RBM25: variants seen among roughly 807,000 people sequenced by gnomAD.
RBM25 encodes the protein RNA binding motif protein 25.
A neutral mutation model predicts 120.7 loss-of-function variants in RBM25; 19 were observed. That is an observed-to-expected ratio of 0.16 (90% CI 0.11 to 0.23). The LOEUF (loss-of-function observed/expected upper bound fraction) is 0.23. Ranked by LOEUF, RBM25 falls within the 10% of genes least tolerant of loss-of-function variation. The pLI is 1.00. For missense variants in RBM25, 605 were observed against 1,041.5 expected, an observed-to-expected ratio of 0.58 and a Z score of 5.77; for synonymous variants, 390 against 326.7, an observed-to-expected ratio of 1.19 and a Z score of -2.09.
intron 6 of RBM25, among the ~76,000 whole-genome samples, chr14:73,094,208 C>T (rs779515963): frequency 1.7e-4 from 25 of 151,364 alleles, no homozygotes; most frequent in Non-Finnish European, 3.2e-4. Flanking sequence ...CTGCCTCGGC[C>T]TCCCAAAGTG....
intron 1 of RBM25, chr14:73,068,324 GA>G: frequency 1.3e-6 from 1 of 755,112 alleles, no homozygotes; most frequent in Non-Finnish European, 2.4e-6. Context: ...TTCATGGTTG[GA>G]AGGTGTGCCT....
At chr14:73,084,687 G>A (rs1439939595) in intron 5 of RBM25, among the ~76,000 whole-genome samples, 1 of 151,788 alleles carries the variant, frequency 6.6e-6, no homozygotes, top group Non-Finnish European at 1.5e-5. Context: ...CGAGAAGCTG[G>A]GATTACAGGC....
At chr14:73,111,830 T>C (rs1180103184) in intron 16 of RBM25, 28 bp downstream of exon 16, 1 of 1,550,254 alleles carries the variant, frequency 6.5e-7, no homozygotes, top group Admixed American at 2.2e-5. Flanking sequence ...TTTCATCATA[T>C]TATTGGGAAC....
intron 18 of RBM25, among the ~76,000 whole-genome samples, chr14:73,119,180 G>A (rs17124720): frequency 0.093 from 14,120 of 152,214 alleles, 647 homozygotes; most frequent in African/African-American, 0.12. Context: ...TATAAAGAAC[G>A]TAGTAATTTA....
At chr14:73,112,566 C>A (rs1896333119) in intron 17 of RBM25, among the ~76,000 whole-genome samples, 2 of 151,550 alleles carry the variant, frequency 1.3e-5, no homozygotes, top group African/African-American at 2.4e-5. Context: ...GTCTTTCTGC[C>A]CCTGAGAATG....
intron 1 of RBM25, among the ~76,000 whole-genome samples, chr14:73,066,360 G>T (rs1239040746): frequency 6.6e-6 from 1 of 152,162 alleles, no homozygotes; most frequent in Non-Finnish European, 1.5e-5. Flanking sequence ...TAAGGGCTGG[G>T]CGCAGTGGCT....
At chr14:73,061,468 C>T (rs948880448) in intron 1 of RBM25, among the ~76,000 whole-genome samples, 1 of 151,332 alleles carries the variant, frequency 6.6e-6, no homozygotes, top group Non-Finnish European at 1.5e-5. Flanking sequence ...CATCCATTAC[C>T]CCAAAAGGAT....
At chr14:73,071,329 G>T (rs996732766) in intron 1 of RBM25, among the ~76,000 whole-genome samples, 2 of 150,882 alleles carry the variant, frequency 1.3e-5, no homozygotes, top group African/African-American at 4.9e-5. Context: ...ATTCGTTTAT[G>T]TGTGGTATTT....
intron 9 of RBM25, chr14:73,102,938 C>A: frequency 1.8e-6 from 1 of 560,942 alleles, no homozygotes; most frequent in Non-Finnish European, 2.8e-6. Context: ...CATTGAGTGG[C>A]CAGCCACACC....
At chr14:73,073,188 C>G (rs2062760371) in intron 2 of RBM25, among the ~76,000 whole-genome samples, 1 of 152,116 alleles carries the variant, frequency 6.6e-6, no homozygotes, top group Admixed American at 6.6e-5. Context: ...CTCAGCCTTC[C>G]AAAGTTCTGG....
At chr14:73,072,427 G>GT (rs1238932788) in intron 2 of RBM25, among the ~76,000 whole-genome samples, 1 of 152,068 alleles carries the variant, frequency 6.6e-6, no homozygotes, top group Non-Finnish European at 1.5e-5. Context: ...AAGGTTATTA[G>GT]TTTTTTCTTG....
At chr14:73,068,865 C>T (rs1022164714) in intron 1 of RBM25, among the ~76,000 whole-genome samples, 1 of 151,872 alleles carries the variant, frequency 6.6e-6, no homozygotes, top group Non-Finnish European at 1.5e-5. Context: ...TGAGCCACCA[C>T]GCCCAGCCAA....
chr14:73,103,936 TCTCTCTCTCTCTCACACACA>T (rs1451284675), intron 10 of RBM25, among the ~76,000 whole-genome samples: 504 of 50,042 alleles, frequency 0.01, 1 homozygote, highest in African/African-American at 0.037. Context: ...TCTCTCTCTC[TCTCTCTCTCTCTCACACACA>T]CACACACACA....
chr14:73,082,214 C>T (rs1203765425), intron 4 of RBM25, among the ~76,000 whole-genome samples: 1 of 152,106 alleles, frequency 6.6e-6, no homozygotes, highest in Non-Finnish European at 1.5e-5. Flanking sequence ...TTCAAGTTTC[C>T]ATTAGTTTTC....
chr14:73,106,785 TA>T (rs1594931079), intron 12 of RBM25, among the ~76,000 whole-genome samples: 1 of 151,980 alleles, frequency 6.6e-6, no homozygotes, highest in East Asian at 1.9e-4. Context: ...AAAATGGAAT[TA>T]AAAACCATAT....
intron 1 of RBM25, among the ~76,000 whole-genome samples, chr14:73,063,584 ATAT>A (rs1895056448): frequency 6.6e-6 from 1 of 151,518 alleles, no homozygotes; most frequent in African/African-American, 2.4e-5. Context: ...TAAATCCCAC[ATAT>A]TATACAATCC....
At chr14:73,061,111 G>A (rs1161685187) in intron 1 of RBM25, among the ~76,000 whole-genome samples, 1 of 149,802 alleles carries the variant, frequency 6.7e-6, no homozygotes, top group African/African-American at 2.4e-5. Context: ...AGGCTGGAGT[G>A]TAGTGGCGCG....
intron 1 of RBM25, among the ~76,000 whole-genome samples, chr14:73,059,770 T>C (rs184920029): frequency 1.8e-4 from 28 of 152,346 alleles, no homozygotes; most frequent in Non-Finnish European, 3.2e-4. Context: ...GTGAATCTTA[T>C]AGTATTCTAA....
At chr14:73,081,190 A>G (rs914128622) in intron 4 of RBM25, among the ~76,000 whole-genome samples, 1 of 150,886 alleles carries the variant, frequency 6.6e-6, no homozygotes, top group African/African-American at 2.5e-5. Context: ...CCCAGGCTGG[A>G]GTGCAGTGGC....
Sources: allele counts gnomAD v4.1 joint callset (sites outside exome capture counted in the v4.1 genomes callset), GRCh38; gene constraint gnomAD v4.1.1; transcripts MANE v1.5; gene names NCBI Gene and HGNC (gene_info 2026-07-23, HGNC 2026-07-21).